CACNA2D1: variants seen among roughly 807,000 people sequenced by gnomAD.
CACNA2D1 encodes calcium voltage-gated channel auxiliary subunit alpha2delta 1.
Under a neutral mutation model 171.5 loss-of-function variants are expected in CACNA2D1, and 53 were observed. That is an observed-to-expected ratio of 0.31 (90% CI 0.25 to 0.39). The LOEUF (loss-of-function observed/expected upper bound fraction) is 0.39. CACNA2D1 is among the 10% of genes least tolerant of loss of function. The pLI, the probability that CACNA2D1 is intolerant of heterozygous loss-of-function variation, is 1.00. For missense variants in CACNA2D1, 903 were observed against 1,299.8 expected, an observed-to-expected ratio of 0.69 and a Z score of 4.69; for synonymous variants, 442 against 443.1, an observed-to-expected ratio of 1.00 and a Z score of 0.03.
chr7:81,993,582 A>G (rs1251129151), intron 20 of CACNA2D1, among the ~76,000 whole-genome samples: 3 of 152,278 alleles, frequency 2.0e-5, no homozygotes, highest in African/African-American at 4.8e-5. Context: ...AATTAGAATA[A>G]TACGTATGCA....
chr7:82,219,522 T>C (rs1483003474), intron 3 of CACNA2D1, among the ~76,000 whole-genome samples: 2 of 152,108 alleles, frequency 1.3e-5, no homozygotes, highest in African/African-American at 2.4e-5. Flanking sequence ...CCATTATCTA[T>C]TGTATTTATT....
In CACNA2D1 at chr7:82,007,665, A is replaced by T; in HGVS notation, c.1440+14T>A. On this transcript the variant is annotated intron_variant, in intron 16 of 38. Transcript: ENST00000356860. ...GTCATTTATTATTATTAATTTTATC[A>T]ATTAACTTTTAACCTTTAAGTTTGT... 1.5e-6 allele frequency: 2 copies of T among 1,318,026 alleles called. No homozygotes were observed. Among genetic ancestry groups the T allele is most frequent in the African/African-American group, 1.5e-5 (1 of 68,590 alleles). The allele number at this position is 1,318,026 out of a possible 1,614,324, so 81.6% of individuals were successfully genotyped here.
intron 1 of CACNA2D1, among the ~76,000 whole-genome samples, chr7:82,390,710 G>A (rs986250466): frequency 6.6e-6 from 1 of 152,002 alleles, no homozygotes; most frequent in Non-Finnish European, 1.5e-5. Context: ...TTTCCTTGCA[G>A]TGTTTACCAT....
intron 3 of CACNA2D1, among the ~76,000 whole-genome samples, chr7:82,308,910 G>A (rs1814069960): frequency 6.6e-6 from 1 of 152,176 alleles, no homozygotes; most frequent in South Asian, 2.1e-4. Flanking sequence ...CAGTTGCATA[G>A]GGCAATGAAA....
chr7:82,341,281 T>C (rs966062354), intron 2 of CACNA2D1, among the ~76,000 whole-genome samples: 4 of 151,924 alleles, frequency 2.6e-5, no homozygotes, highest in African/African-American at 4.9e-5. Flanking sequence ...TTCTTTATCA[T>C]AAGTCTCCTC....
intron 4 of CACNA2D1, among the ~76,000 whole-genome samples, chr7:82,158,904 CA>C (rs1794652262): frequency 6.6e-6 from 1 of 151,816 alleles, no homozygotes; most frequent in Admixed American, 6.6e-5. Flanking sequence ...GTCAGATGCA[CA>C]GTAAATTCTA....
intron 1 of CACNA2D1, among the ~76,000 whole-genome samples, chr7:82,443,135 G>T (rs950823872): frequency 6.6e-6 from 1 of 152,112 alleles, no homozygotes; most frequent in Admixed American, 6.5e-5. Flanking sequence ...GGGACAGTCG[G>T]CCCCCAGTGC....
At chr7:81,959,879 A>C in intron 36 of CACNA2D1, 50 bp from the exon 37 acceptor site, 2 of 1,581,822 alleles carry the variant, frequency 1.3e-6, no homozygotes, top group Non-Finnish European at 1.7e-6. Flanking sequence ...TTCCAAAATA[A>C]ATGGAAATCT....
At chr7:82,411,904 C>T (rs1341139181) in intron 1 of CACNA2D1, among the ~76,000 whole-genome samples, 2 of 151,528 alleles carry the variant, frequency 1.3e-5, no homozygotes, top group Non-Finnish European at 2.9e-5. Context: ...CTCACACACA[C>T]ACACACACAC....
chr7:82,290,820 T>C (rs1363630596), intron 3 of CACNA2D1, among the ~76,000 whole-genome samples: 6 of 151,718 alleles, frequency 4.0e-5, no homozygotes, highest in Non-Finnish European at 8.8e-5. Context: ...GGTCTCAAAC[T>C]CCCGACCTCA....
chr7:82,156,457 G>A (rs1794383452), intron 4 of CACNA2D1, among the ~76,000 whole-genome samples: 1 of 152,042 alleles, frequency 6.6e-6, no homozygotes, highest in African/African-American at 2.4e-5. Context: ...AATCAATCTT[G>A]AAGCAACTCA....
intron 24 of CACNA2D1, among the ~76,000 whole-genome samples, chr7:81,981,904 C>A (rs1796474831): frequency 6.6e-6 from 1 of 151,890 alleles, no homozygotes; most frequent in Non-Finnish European, 1.5e-5. Flanking sequence ...TTGAATTAGA[C>A]CATTAAAAAA....
At chr7:82,283,258 G>T (rs1283688991) in intron 3 of CACNA2D1, among the ~76,000 whole-genome samples, 1 of 151,864 alleles carries the variant, frequency 6.6e-6, no homozygotes, top group African/African-American at 2.4e-5. Flanking sequence ...TCAAATTGTT[G>T]TTTTATGAGA....
chr7:81,959,937 AAACAGAAACCATTCCCAGCAC>A, intron 36 of CACNA2D1, 108 bp from the exon 37 acceptor site: 19 of 1,484,586 alleles, frequency 1.3e-5, no homozygotes, highest in Non-Finnish European at 1.7e-5. Context: ...ATGACATCTG[AAACAGAAACCATTCCCAGCAC>A]AATAGGAGTA....
chr7:82,081,879 A>C (rs1350433060), intron 7 of CACNA2D1, among the ~76,000 whole-genome samples: 1 of 147,906 alleles, frequency 6.8e-6, no homozygotes, highest in Non-Finnish European at 1.5e-5. Context: ...AAGTGAGTGC[A>C]GGCTCCGGTC....
At position 82,287,631 on chromosome 7, in the gene CACNA2D1, C is replaced by G. The variant is rs191826192; in HGVS notation, c.294+47504G>C. On this transcript the variant is annotated intron_variant, in intron 3 of 38. Coordinates refer to ENST00000356860, the MANE Select transcript of CACNA2D1 (RefSeq NM_000722.4). Reference sequence around the variant, plus strand: ...AAATGATAGCATTATGATGCACTTTCTACTTTCAGATCTGGGATACCATAG... The same window carrying G: ...AAATGATAGCATTATGATGCACTTTGTACTTTCAGATCTGGGATACCATAG... 4.6e-5 allele frequency among the ~76,000 whole-genome samples: 7 copies of G among 152,292 alleles called. No homozygotes were observed. The East Asian group carries it at 1.4e-3, about 29-fold the overall frequency.
chr7:81,986,745 T>C (rs930167176), intron 21 of CACNA2D1, among the ~76,000 whole-genome samples: 10 of 152,192 alleles, frequency 6.6e-5, no homozygotes, highest in African/African-American at 1.4e-4. Flanking sequence ...TGAAAATTTC[T>C]ATATTCATTT....
chr7:81,959,845 G>T lies in CACNA2D1; in HGVS notation c.2967-16C>A, dbSNP rs757885918. 1.2e-6 allele frequency: 2 copies of T among 1,608,502 alleles called. No homozygotes were observed. Among genetic ancestry groups the T allele is most frequent in the Non-Finnish European group, 1.7e-6 (2 of 1,176,928 alleles). On this transcript the variant is annotated splice_polypyrimidine_tract_variant and intron_variant, in intron 36 of 38. Coordinates refer to ENST00000356860, the MANE Select transcript of CACNA2D1 (RefSeq NM_000722.4). ...ATGAAAGATTCTGCAAAATAAATAT[G>T]GTATCATAGAAAATGAGTATCTTTT...
chr7:82,146,866 A>G (rs1046675586), intron 4 of CACNA2D1, among the ~76,000 whole-genome samples: 12 of 151,164 alleles, frequency 7.9e-5, no homozygotes, highest in Non-Finnish European at 1.5e-4. Flanking sequence ...CACACCTGTA[A>G]TCCCAGCTAC....
Sources: allele counts gnomAD v4.1 joint callset (sites outside exome capture counted in the v4.1 genomes callset), GRCh38; gene constraint gnomAD v4.1.1; transcripts MANE v1.5; gene names NCBI Gene and HGNC (gene_info 2026-07-23, HGNC 2026-07-21).